GRIK2: variants seen among roughly 807,000 people sequenced by gnomAD.
GRIK2 encodes glutamate receptor ionotropic, kainate 2.
Under a neutral mutation model 100.3 loss-of-function variants are expected in GRIK2, and 32 were observed. That is an observed-to-expected ratio of 0.32 (90% CI 0.24 to 0.43). The LOEUF is 0.43. Ranked by LOEUF, GRIK2 falls within the 20% of genes least tolerant of loss-of-function variation. The pLI is 1.00. For synonymous variants in GRIK2, 417 were observed against 389.4 expected, an observed-to-expected ratio of 1.07 and a Z score of -0.83; for missense variants, 843 against 1,114.9, an observed-to-expected ratio of 0.76 and a Z score of 3.47.
At chr6:101,698,058 A>G (rs1012191358) in intron 7 of GRIK2, among the ~76,000 whole-genome samples, 1 of 152,078 alleles carries the variant, frequency 6.6e-6, no homozygotes, top group Admixed American at 6.6e-5. Context: ...CTGTGTAAAT[A>G]TTTACTTACT....
chr6:101,559,261 A>G (rs956462017), intron 2 of GRIK2, among the ~76,000 whole-genome samples: 39 of 152,160 alleles, frequency 2.6e-4, no homozygotes, highest in African/African-American at 8.9e-4. Context: ...TGTATTTAAT[A>G]AGTTATAGTC....
rs1477644756 is a variant in GRIK2 at position 101,951,090 on chromosome 6, A to ATATT, written c.2085+22460_2085+22463dup. On this transcript the variant is annotated intron_variant, in intron 14 of 16. Coordinates refer to ENST00000369134, the MANE Select transcript of GRIK2 (RefSeq NM_021956.5). ...ATTTGTTGTGTCTTACCATATTAATATATTTTACTGTGATGTTAGTAGAGA... is the reference window on the plus strand; with the variant it reads ...ATTTGTTGTGTCTTACCATATTAATATATTTATTTTACTGTGATGTTAGTAGAGA... Among the ~76,000 whole-genome samples, 6 of 152,322 alleles carry ATATT rather than the reference A, an allele frequency of 3.9e-5. No homozygotes were observed. In the East Asian group the frequency reaches 7.7e-4, roughly 20 times the overall value.
chr6:101,872,294 G>A (rs1030726080), intron 11 of GRIK2, among the ~76,000 whole-genome samples: 1 of 151,872 alleles, frequency 6.6e-6, no homozygotes, highest in South Asian at 2.1e-4. Context: ...ATGAAGAAAA[G>A]AAGTTTAATC....
At chr6:101,675,514 A>G (rs926644238) in intron 4 of GRIK2, among the ~76,000 whole-genome samples, 3 of 152,142 alleles carry the variant, frequency 2.0e-5, no homozygotes, top group African/African-American at 7.2e-5. Flanking sequence ...AAATTGCTTC[A>G]TTTGATCCAA....
At chr6:101,654,265 A>G (rs1781952167) in intron 4 of GRIK2, among the ~76,000 whole-genome samples, 1 of 152,174 alleles carries the variant, frequency 6.6e-6, no homozygotes, top group Non-Finnish European at 1.5e-5. Context: ...TCACAACTAT[A>G]TAAAGATACA....
At chr6:102,060,453 T>C (rs1771690461) in intron 16 of GRIK2, among the ~76,000 whole-genome samples, 1 of 150,780 alleles carries the variant, frequency 6.6e-6, no homozygotes, top group Non-Finnish European at 1.5e-5. Context: ...GGAAAACACG[T>C]AGCAAAGCCA....
At chr6:102,052,953 A>G (rs761488295) in intron 15 of GRIK2, among the ~76,000 whole-genome samples, 85 of 152,138 alleles carry the variant, frequency 5.6e-4, no homozygotes, top group Non-Finnish European at 9.9e-4. Context: ...CTGTCATCCC[A>G]GCTACTCAGG....
intron 7 of GRIK2, among the ~76,000 whole-genome samples, chr6:101,760,160 C>T (rs993526375): frequency 3.6e-4 from 53 of 145,956 alleles, no homozygotes; most frequent in Non-Finnish European, 6.4e-4. Context: ...TGAGCCACCG[C>T]GCCCGGCCAG....
chr6:101,550,306 G>C (rs146977924), intron 2 of GRIK2, among the ~76,000 whole-genome samples: 1 of 152,110 alleles, frequency 6.6e-6, no homozygotes, highest in Non-Finnish European at 1.5e-5. Flanking sequence ...CATTATAGCT[G>C]CTACTGCTCT....
intron 2 of GRIK2, among the ~76,000 whole-genome samples, chr6:101,494,681 A>G (rs959234256): frequency 4.0e-5 from 6 of 151,766 alleles, no homozygotes; most frequent in Non-Finnish European, 7.4e-5. Flanking sequence ...CTGTAATCCC[A>G]GCACTTTGGG....
chr6:101,773,152 A>G lies in GRIK2; in HGVS notation c.952-26496A>G, dbSNP rs138766561. Among the ~76,000 whole-genome samples, 56 of 152,322 alleles carry G rather than the reference A, an allele frequency of 3.7e-4. No homozygotes were observed. The East Asian group carries it at 0.01, about 28-fold the overall frequency. On this transcript the variant is annotated intron_variant, in intron 7 of 16. Transcript: ENST00000369134. ...TAAAACAATAATTAGTTAAAGCAAT[A>G]TATTTTCAAAATAGGAAACATTTAT...
Position 101,859,446 on chromosome 6 carries a change from G to A in GRIK2, c.1477G>A (p.Asp493Asn), listed in dbSNP as rs1784616491. 7.5e-6 allele frequency: 12 copies of A among 1,609,748 alleles called. No individual in the cohort carries two copies. The highest frequency in any genetic ancestry group is 1.0e-5 in the Non-Finnish European group (12 of 1,176,494). Residue 493 changes from aspartate to asparagine, a missense_variant, in exon 11 of 17, where the codon GAT becomes AAT. Coordinates refer to ENST00000369134, the MANE Select transcript of GRIK2 (RefSeq NM_021956.5). ...VEDGKYGAQD[D>N]ANGQWNGMVR... is the part of the protein sequence containing the mutation. ...AGATGGGAAATATGGAGCCCAGGAT[G>A]ATGCCAATGGACAATGGAATGGAAT...
chr6:101,493,873 A>G (rs1217355212), intron 2 of GRIK2, among the ~76,000 whole-genome samples: 5 of 149,014 alleles, frequency 3.4e-5, no homozygotes, highest in Non-Finnish European at 7.4e-5. Flanking sequence ...GATAAAAACT[A>G]TTTCAAAGTT....
intron 3 of GRIK2, among the ~76,000 whole-genome samples, chr6:101,625,279 A>G (rs1780376232): frequency 6.6e-6 from 1 of 152,120 alleles, no homozygotes; most frequent in East Asian, 1.9e-4. Flanking sequence ...AGGCTGAGGC[A>G]GGAGAATCGC....
intron 7 of GRIK2, among the ~76,000 whole-genome samples, chr6:101,774,855 G>T (rs1562375702): frequency 6.6e-6 from 1 of 151,668 alleles, no homozygotes; most frequent in Admixed American, 6.6e-5. Context: ...ACATTTAAAA[G>T]ATATATATAT....
chr6:101,637,676 A>T (rs1781088578), intron 4 of GRIK2, among the ~76,000 whole-genome samples: 1 of 152,140 alleles, frequency 6.6e-6, no homozygotes, highest in East Asian at 1.9e-4. Context: ...AAAGCTGTTC[A>T]TAGTCTCCCC....
intron 2 of GRIK2, among the ~76,000 whole-genome samples, chr6:101,525,375 G>A (rs1004454176): frequency 5.3e-5 from 8 of 152,080 alleles, no homozygotes; most frequent in African/African-American, 9.7e-5. Flanking sequence ...TGTGAGTTAC[G>A]GAATCTAAGG....
chr6:101,594,601 A>G (rs1275004227), intron 2 of GRIK2, among the ~76,000 whole-genome samples: 1 of 151,778 alleles, frequency 6.6e-6, no homozygotes, highest in Non-Finnish European at 1.5e-5. Flanking sequence ...GAGTTTCAAT[A>G]AAGATATAAG....
chr6:101,682,925 C>T (rs938459013), intron 6 of GRIK2, among the ~76,000 whole-genome samples: 14 of 152,074 alleles, frequency 9.2e-5, no homozygotes, highest in East Asian at 1.9e-4. Context: ...CAAATTCAGC[C>T]GGGCACAGTG....
Sources: allele counts gnomAD v4.1 joint callset (sites outside exome capture counted in the v4.1 genomes callset), GRCh38; gene constraint gnomAD v4.1.1; transcripts MANE v1.5; gene names NCBI Gene and HGNC (gene_info 2026-07-23, HGNC 2026-07-21).